PLXDC2: variants seen among roughly 807,000 people sequenced by gnomAD.
PLXDC2 encodes plexin domain-containing protein 2.
In PLXDC2, 40 loss-of-function variants were observed where a neutral mutation model predicts 68.9. The observed-to-expected ratio is 0.58, with a 90% CI of 0.45 to 0.76. The LOEUF is 0.76. PLXDC2 is among the 30% of genes least tolerant of loss of function. The pLI, the probability that PLXDC2 is intolerant of heterozygous loss-of-function variation, is 0.00. For synonymous variants in PLXDC2, 243 were observed against 234.2 expected, an observed-to-expected ratio of 1.04 and a Z score of -0.34; for missense variants, 644 against 661.9, an observed-to-expected ratio of 0.97 and a Z score of 0.30.
chr10:19,820,129 G>C (rs1450494606), intron 1 of PLXDC2, among the ~76,000 whole-genome samples: 1 of 152,134 alleles, frequency 6.6e-6, no homozygotes, highest in Non-Finnish European at 1.5e-5. Flanking sequence ...TTATATCAAA[G>C]GTAATTTTTG....
chr10:20,225,651 A>C (rs1030037714), intron 12 of PLXDC2, among the ~76,000 whole-genome samples: 1 of 152,206 alleles, frequency 6.6e-6, no homozygotes, highest in Admixed American at 6.5e-5. Flanking sequence ...CCAAACTTTT[A>C]TCTAGAGCTG....
intron 9 of PLXDC2, among the ~76,000 whole-genome samples, chr10:20,180,800 A>G (rs1236702641): frequency 6.6e-6 from 1 of 152,110 alleles, no homozygotes; most frequent in East Asian, 1.9e-4. Context: ...AAGGAGATCC[A>G]TGATCTCAAG....
chr10:20,152,937 C>A (rs1394249596), intron 6 of PLXDC2, among the ~76,000 whole-genome samples: 1 of 152,122 alleles, frequency 6.6e-6, no homozygotes, highest in Non-Finnish European at 1.5e-5. Context: ...GAACAGATAA[C>A]TTTAATACTG....
chr10:19,924,369 C>T (rs1023173644), intron 1 of PLXDC2, among the ~76,000 whole-genome samples: 2 of 152,166 alleles, frequency 1.3e-5, no homozygotes, highest in African/African-American at 4.8e-5. Flanking sequence ...TTCTTTGCAC[C>T]TTCACAGCCC....
intron 4 of PLXDC2, among the ~76,000 whole-genome samples, chr10:20,078,077 A>G (rs564526673): frequency 2.0e-5 from 3 of 151,998 alleles, no homozygotes; most frequent in South Asian, 4.2e-4. Context: ...CTGTTCTCAC[A>G]CTCTCTTTTT....
At chr10:19,856,633 C>T (rs900910583) in intron 1 of PLXDC2, among the ~76,000 whole-genome samples, 2 of 152,142 alleles carry the variant, frequency 1.3e-5, no homozygotes. Context: ...TTTTACATCC[C>T]TGTCTTTCCT....
chr10:19,970,332 C>A (rs1834329179), intron 1 of PLXDC2, among the ~76,000 whole-genome samples: 1 of 152,160 alleles, frequency 6.6e-6, no homozygotes, highest in South Asian at 2.1e-4. Context: ...AATCAGGAGG[C>A]TGAATGTTTT....
chr10:19,969,463 A>G (rs1834314694), intron 1 of PLXDC2, among the ~76,000 whole-genome samples: 1 of 152,226 alleles, frequency 6.6e-6, no homozygotes, highest in Non-Finnish European at 1.5e-5. Flanking sequence ...AGGGAAATTG[A>G]CATATAAGAC....
chr10:20,090,048 A>G (rs553425862), intron 4 of PLXDC2, among the ~76,000 whole-genome samples: 58 of 152,274 alleles, frequency 3.8e-4, no homozygotes, highest in Non-Finnish European at 6.6e-4. Flanking sequence ...CAGAGTGTCA[A>G]GGAAGCTGGC....
chr10:20,085,471 A>G (rs1204787629), intron 4 of PLXDC2, among the ~76,000 whole-genome samples: 2 of 152,308 alleles, frequency 1.3e-5, no homozygotes, highest in East Asian at 1.9e-4. Flanking sequence ...GATCTGCTAC[A>G]TGATATTTAA....
chr10:20,217,346 C>A, intron 10 of PLXDC2, 80 bp from the exon 11 acceptor site: 1 of 1,307,726 alleles, frequency 7.6e-7, no homozygotes, highest in Non-Finnish European at 1.0e-6. Flanking sequence ...TTGTGCTTTA[C>A]AGCCCAGCTT....
rs566316641 is a variant in PLXDC2 at position 19,903,361 on chromosome 10, C to A, written c.112+86170C>A. Among the ~76,000 whole-genome samples the A allele has an allele frequency of 1.0e-3, 152 of 150,626 alleles. 1 individual carries two copies. Among genetic ancestry groups the A allele is most frequent in the Non-Finnish European group, 1.5e-3 (104 of 67,692 alleles). On this transcript the variant is annotated intron_variant, in intron 1 of 13. Coordinates refer to ENST00000377252, the MANE Select transcript of PLXDC2 (RefSeq NM_032812.9). The stretch of plus-strand genomic sequence containing the variant: ...ATTACCATTTCAATCTCACTTGTTA[C>A]TGGTCTGTTCAGAGTTTCTACATCT...
intron 9 of PLXDC2, among the ~76,000 whole-genome samples, chr10:20,192,243 G>T (rs965588621): frequency 1.3e-5 from 2 of 152,054 alleles, no homozygotes; most frequent in Non-Finnish European, 2.9e-5. Flanking sequence ...TATGTGCACA[G>T]ACTGGCTAAT....
intron 13 of PLXDC2, among the ~76,000 whole-genome samples, chr10:20,252,725 T>A (rs961451726): frequency 6.6e-6 from 1 of 152,214 alleles, no homozygotes; most frequent in African/African-American, 2.4e-5. Flanking sequence ...ATGAACAAGA[T>A]CATCCTTTCC....
intron 1 of PLXDC2, among the ~76,000 whole-genome samples, chr10:19,991,098 T>G (rs1013172298): frequency 6.6e-6 from 1 of 151,868 alleles, no homozygotes; most frequent in Admixed American, 6.6e-5. Flanking sequence ...AATACAAAAT[T>G]AGTGGGGCGT....
chr10:20,131,763 GA>G (rs536131233), intron 4 of PLXDC2, among the ~76,000 whole-genome samples: 139 of 151,376 alleles, frequency 9.2e-4, no homozygotes, highest in African/African-American at 3.2e-3. Context: ...TGTTTATTTA[GA>G]AAAAAAACCC....
intron 4 of PLXDC2, among the ~76,000 whole-genome samples, chr10:20,098,950 A>G (rs1478667390): frequency 6.6e-6 from 1 of 152,216 alleles, no homozygotes; most frequent in Non-Finnish European, 1.5e-5. Context: ...TTTTTAAATC[A>G]TGAAGCCAAA....
intron 13 of PLXDC2, among the ~76,000 whole-genome samples, chr10:20,247,387 G>T (rs546130719): frequency 2.0e-5 from 3 of 151,930 alleles, no homozygotes; most frequent in East Asian, 3.9e-4. Flanking sequence ...TGAAATGGTA[G>T]GATTGCTTGA....
intron 2 of PLXDC2, among the ~76,000 whole-genome samples, chr10:20,005,652 T>G (rs1296308696): frequency 6.6e-6 from 1 of 151,936 alleles, no homozygotes; most frequent in African/African-American, 2.4e-5. Flanking sequence ...TGTCACATGA[T>G]GAGAGCAGGA....
Sources: allele counts gnomAD v4.1 joint callset (sites outside exome capture counted in the v4.1 genomes callset), GRCh38; gene constraint gnomAD v4.1.1; transcripts MANE v1.5; gene names NCBI Gene and HGNC (gene_info 2026-07-23, HGNC 2026-07-21).